TMEFF1: variants seen among roughly 807,000 people sequenced by gnomAD.
TMEFF1 encodes transmembrane protein with EGF like and two follistatin like domains 1, also known as tomoregulin-1.
In TMEFF1, 20 loss-of-function variants were observed where a neutral mutation model predicts 47.5. That is an observed-to-expected ratio of 0.42 (90% CI 0.30 to 0.61). The LOEUF (loss-of-function observed/expected upper bound fraction) is 0.61. TMEFF1 is among the 20% of genes least tolerant of loss of function. The pLI is 0.19. For missense variants in TMEFF1, 411 were observed against 471.1 expected (o/e 0.87, Z 1.18); for synonymous variants, 162 against 166.3 (o/e 0.97, Z 0.20).
At chr9:100,496,464 TC>T (rs1309721833) in intron 1 of TMEFF1, among the ~76,000 whole-genome samples, 2 of 152,240 alleles carry the variant, frequency 1.3e-5, no homozygotes, top group Non-Finnish European at 2.9e-5. Context: ...GGTCTTGAAC[TC>T]CTGACCTCAG....
chr9:100,522,044 C>T (rs1313371655), intron 5 of TMEFF1, among the ~76,000 whole-genome samples: 1 of 152,144 alleles, frequency 6.6e-6, no homozygotes, highest in Non-Finnish European at 1.5e-5. Flanking sequence ...TACAATATGA[C>T]GAGTCTCTCC....
At chr9:100,528,574 A>G (rs1262865908) in intron 5 of TMEFF1, among the ~76,000 whole-genome samples, 1 of 142,924 alleles carries the variant, frequency 7.0e-6, no homozygotes, top group African/African-American at 2.7e-5. Context: ...AAAGCCTGCA[A>G]GAAATATGGG....
At chr9:100,527,249 G>A (rs571183319) in intron 5 of TMEFF1, among the ~76,000 whole-genome samples, 15 of 152,308 alleles carry the variant, frequency 9.8e-5, no homozygotes, top group East Asian at 7.7e-4. Flanking sequence ...CAAGATGGCC[G>A]AATAGGAACA....
At chr9:100,481,393 G>A (rs1197769795) in intron 1 of TMEFF1, among the ~76,000 whole-genome samples, 1 of 152,168 alleles carries the variant, frequency 6.6e-6, no homozygotes, top group Non-Finnish European at 1.5e-5. Context: ...CATAGAAGCT[G>A]AACATAGATG....
chr9:100,567,712 A>T (rs1839149756), intron 8 of TMEFF1, among the ~76,000 whole-genome samples: 1 of 152,186 alleles, frequency 6.6e-6, no homozygotes, highest in Admixed American at 6.5e-5. Flanking sequence ...ATCTGCCTTT[A>T]ATCAGTAACA....
chr9:100,480,025 A>G (rs574708742), intron 1 of TMEFF1, among the ~76,000 whole-genome samples: 2 of 152,230 alleles, frequency 1.3e-5, no homozygotes, highest in African/African-American at 4.8e-5. Context: ...ATCTTCTCCA[A>G]CACTTGTTAT....
chr9:100,521,793 G>T (rs754373663), intron 5 of TMEFF1, among the ~76,000 whole-genome samples: 3 of 152,144 alleles, frequency 2.0e-5, no homozygotes, highest in Non-Finnish European at 4.4e-5. Flanking sequence ...TTTGAACTTT[G>T]TCTGCAATGC....
At chr9:100,527,253 A>C (rs533691944) in intron 5 of TMEFF1, among the ~76,000 whole-genome samples, 2 of 152,344 alleles carry the variant, frequency 1.3e-5, no homozygotes, top group Non-Finnish European at 2.9e-5. Context: ...ATGGCCGAAT[A>C]GGAACAGCTC....
intron 8 of TMEFF1, among the ~76,000 whole-genome samples, chr9:100,567,603 T>A (rs1178153885): frequency 2.6e-5 from 4 of 152,206 alleles, no homozygotes; most frequent in Non-Finnish European, 5.9e-5. Flanking sequence ...GGTAAATGGA[T>A]GTGTGAATGA....
At chr9:100,549,434 C>T (rs1380948051) in intron 6 of TMEFF1, among the ~76,000 whole-genome samples, 1 of 152,180 alleles carries the variant, frequency 6.6e-6, no homozygotes, top group African/African-American at 2.4e-5. Flanking sequence ...GGCAGGGACA[C>T]AGAACCAAAC....
At chr9:100,510,861 A>T (rs1261049938) in intron 3 of TMEFF1, among the ~76,000 whole-genome samples, 2 of 152,112 alleles carry the variant, frequency 1.3e-5, no homozygotes, top group Non-Finnish European at 2.9e-5. Flanking sequence ...GTCCACTAAT[A>T]CTGTGACCTG....
Position 100,473,650 on chromosome 9 carries a change from G to A in TMEFF1, c.106G>A (p.Gly36Arg), listed in dbSNP as rs759163509. 1 of 1,549,554 alleles carries A rather than the reference G, an allele frequency of 6.5e-7. No individual in the cohort carries two copies. Among genetic ancestry groups the A allele is most frequent in the East Asian group, 2.4e-5 (1 of 41,078 alleles). ...VLLLFAFSLP[G>R]SRASNQPPGG... The stretch of plus-strand genomic sequence containing the variant: ...TCTGCTCTTCGCCTTCTCTCTGCCC[G>A]GGAGCCGCGCGTCCAACCAGCCCCC... The change falls in exon 1 of 10, where the codon GGG becomes AGG. Residue 36 changes from glycine to arginine, a missense_variant. Gly to Arg is a moderately radical substitution (Grantham distance 125). Coordinates refer to ENST00000374879, the MANE Select transcript of TMEFF1 (RefSeq NM_003692.5). The surrounding 1 kb of genome is among the most constrained non-coding windows in gnomAD (Gnocchi z 5.4).
chr9:100,559,042 C>T (rs146313261), intron 7 of TMEFF1, among the ~76,000 whole-genome samples: 1 of 152,236 alleles, frequency 6.6e-6, no homozygotes, highest in African/African-American at 2.4e-5. Context: ...GGCCCTAGAG[C>T]TGTGTGCTTA....
At chr9:100,546,982 T>G (rs985205839) in intron 5 of TMEFF1, among the ~76,000 whole-genome samples, 1 of 152,164 alleles carries the variant, frequency 6.6e-6, no homozygotes, top group African/African-American at 2.4e-5. Context: ...TCATGTCTAT[T>G]ATATTTTTTA....
chr9:100,539,479 G>A (rs1471154692), intron 5 of TMEFF1, among the ~76,000 whole-genome samples: 1 of 152,118 alleles, frequency 6.6e-6, no homozygotes, highest in Admixed American at 6.5e-5. Flanking sequence ...TGGTGGGTTC[G>A]TAGTCTTGCT....
chr9:100,519,846 C>T lies in TMEFF1; in HGVS notation c.560+3075C>T, dbSNP rs1054403125. ...GAATTTCTTACCAGTGACTTTCAGT[C>T]TTTTTTGACTACACTTCATGTAAAA... is the stretch of plus-strand genomic sequence containing the variant. On this transcript the variant is annotated intron_variant, in intron 5 of 9. Coordinates refer to ENST00000374879, the MANE Select transcript of TMEFF1 (RefSeq NM_003692.5). 7.9e-5 allele frequency among the ~76,000 whole-genome samples: 12 copies of T among 151,956 alleles called. No individual in the cohort carries two copies. In the South Asian group the frequency reaches 1.5e-3, roughly 18 times the overall value.
chr9:100,562,630 GTTTGTTTTGTTTTGTTTTGT>G (rs55940754), intron 8 of TMEFF1, among the ~76,000 whole-genome samples: 3,815 of 142,424 alleles, frequency 0.027, 62 homozygotes, highest in Middle Eastern at 0.053. Flanking sequence ...TTTTTTTTTT[GTTTGTTTTGTTTTGTTTTGT>G]TTTGTTTTGT....
chr9:100,561,946 G>A (rs1839024720), intron 8 of TMEFF1, among the ~76,000 whole-genome samples: 1 of 152,134 alleles, frequency 6.6e-6, no homozygotes, highest in South Asian at 2.1e-4. Context: ...ATTGAGAGAT[G>A]AAAATGGAAA....
At chr9:100,475,715 C>CTGTGTGTGTGTGTG (rs3055671) in intron 1 of TMEFF1, among the ~76,000 whole-genome samples, 8 of 140,852 alleles carry the variant, frequency 5.7e-5, no homozygotes, top group Non-Finnish European at 7.8e-5. Context: ...TGCAGAGCGA[C>CTGTGTGTGTGTGTG]TGTGTGTGTG....
Sources: gnomAD v4.1 joint callset for allele counts (sites outside exome capture counted in the v4.1 genomes callset) on GRCh38, gnomAD v4.1.1 for gene constraint, Gnocchi (gnomAD v3.1) non-coding constraint, MANE v1.5 for transcripts, NCBI Gene and HGNC (gene_info 2026-07-23, HGNC 2026-07-21) for gene names.